Variants in SLC6A6 observed in about 807,000 individuals in gnomAD.
The protein encoded by SLC6A6 is sodium- and chloride-dependent taurine transporter.
A neutral mutation model predicts 68.8 loss-of-function variants in SLC6A6; 16 were observed. That is an observed-to-expected ratio of 0.23 (90% CI 0.16 to 0.35). The LOEUF (loss-of-function observed/expected upper bound fraction) is 0.35. Ranked by LOEUF, SLC6A6 falls within the 10% of genes least tolerant of loss-of-function variation. SLC6A6 has a pLI of 1.00. For synonymous variants in SLC6A6, 312 were observed against 315.4 expected (o/e 0.99, Z 0.12); for missense variants, 474 against 802.8 (o/e 0.59, Z 4.95).
chr3:14,416,113 T>A (rs1420496068), intron 1 of SLC6A6, among the ~76,000 whole-genome samples: 1 of 152,156 alleles, frequency 6.6e-6, no homozygotes, highest in Non-Finnish European at 1.5e-5. Flanking sequence ...TGAGTGTGTG[T>A]CCCATGTGGG....
chr3:14,487,806 C>G lies in SLC6A6; in HGVS notation c.*2799C>G, dbSNP rs1480175904. On this transcript the variant is annotated 3_prime_UTR_variant, in exon 15 of 15. Coordinates refer to ENST00000622186, the MANE Select transcript of SLC6A6 (RefSeq NM_003043.6). ...CTTGAAACAGCTCTAGCTGCAGGTT[C>G]TCCGAGGTAGGTGCAGGGAATGGTG... 2 of 152,230 alleles carry G rather than the reference C, an allele frequency of 1.3e-5. No homozygotes were observed. The highest frequency in any genetic ancestry group is 2.9e-5 in the Non-Finnish European group (2 of 68,060). 9.4% of individuals were successfully genotyped at this position (152,230 alleles called of 1,614,324 possible).
chr3:14,429,710 A>G (rs938695767), intron 2 of SLC6A6, among the ~76,000 whole-genome samples: 1 of 152,208 alleles, frequency 6.6e-6, no homozygotes, highest in Non-Finnish European at 1.5e-5. Context: ...GTAGGGCTGC[A>G]TGGGCCCAGG....
rs142186103 is a variant in SLC6A6, at chr3:14,467,968, G to A, written c.971+12G>A. On this transcript the variant is annotated intron_variant, in intron 8 of 14. Coordinates refer to ENST00000622186, the MANE Select transcript of SLC6A6 (RefSeq NM_003043.6). ...TATAACTCGTACAGGCAAGTGTTGC[G>A]CCGGCGGGCCTGGTGGACTTTAGAA... The A allele has an allele frequency of 3.8e-4, 618 of 1,609,640 alleles. 4 individuals are homozygous for A. In the South Asian group the frequency reaches 5.0e-3, roughly 13 times the overall value.
At chr3:14,442,775 C>T (rs1345195371) in intron 2 of SLC6A6, among the ~76,000 whole-genome samples, 1 of 152,176 alleles carries the variant, frequency 6.6e-6, no homozygotes, top group Non-Finnish European at 1.5e-5. Flanking sequence ...TCTGGGGCCT[C>T]CCGTTGGCCA....
At chr3:14,463,335 G>C (rs140852817) in intron 6 of SLC6A6, among the ~76,000 whole-genome samples, 1 of 152,220 alleles carries the variant, frequency 6.6e-6, no homozygotes, top group African/African-American at 2.4e-5. Flanking sequence ...TAAAACTCAC[G>C]AAGCCCTTAG....
intron 3 of SLC6A6, chr3:14,444,917 C>T (rs149521847): frequency 4.5e-4 from 201 of 451,556 alleles, no homozygotes; most frequent in African/African-American, 3.3e-3. Flanking sequence ...CCCTTGGTCC[C>T]GCCCCCACCG....
intron 2 of SLC6A6, among the ~76,000 whole-genome samples, chr3:14,442,745 G>A (rs891937269): frequency 1.3e-5 from 2 of 152,194 alleles, no homozygotes; most frequent in Non-Finnish European, 2.9e-5. Flanking sequence ...CAGCTCCGGG[G>A]GCTTAGAGAT....
At chr3:14,408,264 C>T (rs1044362662) in intron 1 of SLC6A6, among the ~76,000 whole-genome samples, 38 of 152,020 alleles carry the variant, frequency 2.5e-4, no homozygotes, top group African/African-American at 6.8e-4. Flanking sequence ...GTGATCCTTT[C>T]GGATCATTAT....
At chr3:14,448,114 A>C in intron 5 of SLC6A6, 1 of 1,083,496 alleles carries the variant, frequency 9.2e-7, no homozygotes, top group Non-Finnish European at 1.2e-6. Flanking sequence ...ATGCATACTT[A>C]TGTTGTCTAA....
chr3:14,426,308 A>G (rs1372876707), intron 2 of SLC6A6, among the ~76,000 whole-genome samples: 1 of 151,342 alleles, frequency 6.6e-6, no homozygotes. Flanking sequence ...GTAGTTCCTC[A>G]TCTCCATTTG....
At chr3:14,442,450 G>C (rs1371849566) in intron 2 of SLC6A6, among the ~76,000 whole-genome samples, 1 of 152,326 alleles carries the variant, frequency 6.6e-6, no homozygotes, top group East Asian at 1.9e-4. Context: ...TTGTGGGTCA[G>C]CCCTTGAAGG....
chr3:14,459,476 G>A (rs1239317631), intron 6 of SLC6A6, among the ~76,000 whole-genome samples: 1 of 152,074 alleles, frequency 6.6e-6, no homozygotes, highest in East Asian at 1.9e-4. Flanking sequence ...AACACACACA[G>A]TGCCCTCTGC....
chr3:14,443,174 T>C (rs988863270), intron 2 of SLC6A6, among the ~76,000 whole-genome samples: 1 of 152,224 alleles, frequency 6.6e-6, no homozygotes, highest in South Asian at 2.1e-4. Context: ...TCCATTTTTT[T>C]AAATACAAAT....
At chr3:14,440,706 C>T (rs1393447972) in intron 2 of SLC6A6, among the ~76,000 whole-genome samples, 1 of 152,116 alleles carries the variant, frequency 6.6e-6, no homozygotes, top group Non-Finnish European at 1.5e-5. Flanking sequence ...CTCGTGGTTG[C>T]CATGGCGATA....
In SLC6A6 at chr3:14,485,181, G is replaced by A. The variant is rs375027803; in HGVS notation, c.*174G>A. ...GTGCGTGTGTGTGTGTGTGTGTATC[G>A]TGTGTGTGTGTTTTGTTTTGATTTG... is the stretch of plus-strand genomic sequence containing the variant. On this transcript the variant is annotated 3_prime_UTR_variant, in exon 15 of 15. Transcript: ENST00000622186. 40 of 329,930 alleles carry A rather than the reference G, an allele frequency of 1.2e-4. No homozygotes were observed. The highest frequency in any genetic ancestry group is 4.1e-4 in the South Asian group (4 of 9,710). 20.4% of individuals were successfully genotyped at this position (329,930 alleles called of 1,614,324 possible).
intron 2 of SLC6A6, among the ~76,000 whole-genome samples, chr3:14,418,316 G>A (rs1247450172): frequency 1.3e-5 from 2 of 152,148 alleles, no homozygotes; most frequent in Admixed American, 6.5e-5. Context: ...CTGTGAAGCC[G>A]GGACTAGGCA....
intron 1 of SLC6A6, among the ~76,000 whole-genome samples, chr3:14,407,802 G>A (rs1050936492): frequency 2.6e-5 from 4 of 152,116 alleles, no homozygotes; most frequent in African/African-American, 9.7e-5. Context: ...CACCATACCA[G>A]GCCCACTTTC....
intron 2 of SLC6A6, among the ~76,000 whole-genome samples, chr3:14,442,052 G>A (rs943124263): frequency 6.6e-6 from 1 of 152,234 alleles, no homozygotes; most frequent in East Asian, 1.9e-4. Flanking sequence ...ATGCCCACTG[G>A]AGCCAGCCAA....
chr3:14,419,462 G>A (rs563501451), intron 2 of SLC6A6, among the ~76,000 whole-genome samples: 1 of 152,318 alleles, frequency 6.6e-6, no homozygotes, highest in Non-Finnish European at 1.5e-5. Flanking sequence ...TAATGGACCA[G>A]CCCAAAAAAG....
Sources: allele counts gnomAD v4.1 joint callset (sites outside exome capture counted in the v4.1 genomes callset), GRCh38; gene constraint gnomAD v4.1.1; transcripts MANE v1.5; gene names NCBI Gene and HGNC (gene_info 2026-07-23, HGNC 2026-07-21).